The following MEGF6 variants were observed in gnomAD, a reference collection of about 807,000 sequenced individuals.
The protein encoded by MEGF6 is multiple EGF like domains 6.
In MEGF6, 184 loss-of-function variants were observed where a neutral mutation model predicts 207.1. The observed-to-expected ratio is 0.89, with a 90% confidence interval of 0.79 to 1.00. The LOEUF (loss-of-function observed/expected upper bound fraction) is 1.00, where lower values mean the gene tolerates loss of function less well. Ranked by LOEUF, MEGF6 falls within the 50% of genes least tolerant of loss-of-function variation. The probability of loss-of-function intolerance (pLI) is 0.00; values close to 1 mark genes in which losing one functional copy is unlikely to be tolerated. For missense variants in MEGF6, 2,282 were observed against 2,202.9 expected (o/e 1.04, Z -0.72); for synonymous variants, 1,038 against 910.0 (o/e 1.14, Z -2.53).
At chr1:3,529,843 C>T (rs1203977762) in intron 4 of MEGF6, among the ~76,000 whole-genome samples, 2 of 152,234 alleles carry the variant, frequency 1.3e-5, no homozygotes, top group Non-Finnish European at 1.5e-5. Context: ...TTCCGAAGCC[C>T]ACCTGGACTT....
chr1:3,510,744 C>A, intron 10 of MEGF6, 39 bp downstream of exon 10: 1 of 1,573,228 alleles, frequency 6.4e-7, no homozygotes, highest in Non-Finnish European at 8.7e-7. Context: ...GCCCTGCTCC[C>A]AGGCCACCCC....
At chr1:3,604,117 C>T (rs1244666631) in intron 1 of MEGF6, among the ~76,000 whole-genome samples, 6 of 152,200 alleles carry the variant, frequency 3.9e-5, no homozygotes, top group South Asian at 2.1e-4. Context: ...AAGGGGCAGA[C>T]GAAGGCTGGG....
chr1:3,576,177 C>T (rs1000773814), intron 4 of MEGF6, among the ~76,000 whole-genome samples: 9 of 152,248 alleles, frequency 5.9e-5, no homozygotes, highest in African/African-American at 2.2e-4. Context: ...TGCCCAGCGC[C>T]GGGCCCTCCA....
intron 6 of MEGF6, 107 bp from the exon 7 acceptor site, chr1:3,514,779 C>G: frequency 6.3e-6 from 8 of 1,278,872 alleles, no homozygotes; most frequent in Non-Finnish European, 8.4e-6. Flanking sequence ...GCTCTCCCCA[C>G]TCTGTGCTCC....
At chr1:3,499,315 G>A (rs772759969) in intron 23 of MEGF6, 49 bp from the exon 24 acceptor site, 76 of 1,558,776 alleles carry the variant, frequency 4.9e-5, no homozygotes, top group Non-Finnish European at 6.0e-5. Context: ...AGGACCCCAG[G>A]GGTTGGCAGC....
chr1:3,511,942 G>A (rs1435179214), intron 8 of MEGF6, 64 bp downstream of exon 8: 21 of 1,606,086 alleles, frequency 1.3e-5, no homozygotes, highest in African/African-American at 9.4e-5. Context: ...AGCAGGCCTC[G>A]GGGTCCTGGG....
intron 3 of MEGF6, 47 bp downstream of exon 3, chr1:3,595,291 C>T (rs532590985): frequency 1.5e-5 from 20 of 1,337,378 alleles, no homozygotes; most frequent in Admixed American, 1.2e-4. Context: ...GCTGAGTCCT[C>T]TGGGGTGGAG....
chr1:3,500,874 C>T (rs1232915935), intron 20 of MEGF6, 92 bp downstream of exon 20: 44 of 1,598,992 alleles, frequency 2.8e-5, no homozygotes, highest in Non-Finnish European at 3.6e-5. Context: ...CTCCTGCAAG[C>T]CCCTAGTCCT....
rs775835842 is a variant in MEGF6 at position 3,497,301 on chromosome 1, G to A, written c.3413C>T (p.Ala1138Val). 14 of 1,551,144 alleles carry A rather than the reference G, an allele frequency of 9.0e-6. No individual in the cohort carries two copies. In the Admixed American group the frequency reaches 1.9e-4, roughly 21 times the overall value. Residue 1138 changes from alanine (A) to valine (V), a missense_variant, in exon 27 of 37, where the codon GCT (alanine) becomes GTT (valine). Ala to Val is a moderately conservative substitution (Grantham distance 64, BLOSUM62 0). Coordinates refer to ENST00000356575, the MANE Select transcript of MEGF6 (RefSeq NM_001409.4). ...GGCCCCAGTGACGTGGTGGCAGGCA[G>A]CGCCAGGCGGGCAGCTGCAGCGCTG... The part of the protein sequence containing the change: ...CAQRCSCPPG[A>V]ACHHVTGACR...
chr1:3,501,662 T>A, intron 18 of MEGF6, 134 bp downstream of exon 18: 5 of 1,268,332 alleles, frequency 3.9e-6, no homozygotes, highest in Non-Finnish European at 4.2e-6. Context: ...CCCAGGGGAG[T>A]GCACTGTGAG....
chr1:3,515,637 G>A, intron 5 of MEGF6, 110 bp from the exon 6 acceptor site: 4 of 1,358,184 alleles, frequency 2.9e-6, no homozygotes, highest in Non-Finnish European at 4.0e-6. Context: ...CCTGCTGTAG[G>A]ACCCCTCCCA....
chr1:3,507,871 C>T lies in MEGF6; in HGVS notation c.1713G>A (p.Gln571=), dbSNP rs1290802842. The change falls in exon 14 of 37, where the codon CAG becomes CAA. Residue 571 remains glutamine, a synonymous_variant. Transcript: ENST00000356575. ...GKNCSFSCSC[Q]NGGTCDSVTG... ...TGACAGAGTCGCAGGTCCCACCATT[C>T]TGACAGCTGCAGGAGAAGCTGCAGT... 3.1e-6 allele frequency: 5 copies of T among 1,612,836 alleles called. No individual in the cohort carries two copies. Among genetic ancestry groups the T allele is most frequent in the Non-Finnish European group, 2.5e-6 (3 of 1,179,972 alleles).
Position 3,560,103 on chromosome 1 carries a change from G to A in MEGF6, c.481+19722C>T, listed in dbSNP as rs561967747. On this transcript the variant is annotated intron_variant, in intron 4 of 36. Transcript: ENST00000356575. The surrounding 1 kb of genome is among the most constrained non-coding windows in gnomAD (Gnocchi z 4.0). Reference sequence around the variant, plus strand: ...CTCAGGGCAGGAGAGGGCCTGGCAAGGTTAGTCCCAGAGGGCAAAGAAGGC... The same window carrying A: ...CTCAGGGCAGGAGAGGGCCTGGCAAAGTTAGTCCCAGAGGGCAAAGAAGGC... Among the ~76,000 whole-genome samples the A allele has an allele frequency of 1.2e-4, 18 of 149,964 alleles. No homozygotes were observed. Among genetic ancestry groups the A allele is most frequent in the African/African-American group, 4.1e-4 (17 of 41,098 alleles).
intron 4 of MEGF6, among the ~76,000 whole-genome samples, chr1:3,545,555 C>T (rs1642673433): frequency 2.6e-5 from 4 of 152,142 alleles, no homozygotes; most frequent in South Asian, 2.1e-4. Context: ...AGCAGCTGGG[C>T]CCCTCCTCAT....
chr1:3,508,047 C>G lies in MEGF6; in HGVS notation c.1661-124G>C. 7 of 1,038,318 alleles carry G rather than the reference C, an allele frequency of 6.7e-6. No homozygotes were observed. In the South Asian group the frequency reaches 1.2e-4, roughly 17 times the overall value. The allele number at this position is 1,038,318 out of a possible 1,614,324, so 64.3% of individuals were successfully genotyped here. ...AGAGATAAAATGATGGCACTTGTAC[C>G]ACATCACCCCTGCCCATGCTCATGG... On this transcript the variant is annotated intron_variant, in intron 13 of 36. Coordinates refer to ENST00000356575, the MANE Select transcript of MEGF6 (RefSeq NM_001409.4).
At chr1:3,567,729 A>C (rs1643387351) in intron 4 of MEGF6, among the ~76,000 whole-genome samples, 1 of 152,100 alleles carries the variant, frequency 6.6e-6, no homozygotes, top group Admixed American at 6.5e-5. Context: ...AGCCAGGGGC[A>C]GGGGGGCCTG....
At chr1:3,558,661 C>T (rs1643104457) in intron 4 of MEGF6, among the ~76,000 whole-genome samples, 2 of 152,214 alleles carry the variant, frequency 1.3e-5, no homozygotes, top group Non-Finnish European at 1.5e-5. Context: ...ACCAGAACTG[C>T]GTTAGGGATA....
rs569038182 is a variant in MEGF6 at position 3,557,484 on chromosome 1, C to T, written c.481+22341G>A. On this transcript the variant is annotated intron_variant, in intron 4 of 36. Transcript: ENST00000356575. ...GGAGCCACTGTCTAAGCAAGCCCGGCGTCCAGGCTACGTGCCCACCTCGCT... is the reference window on the plus strand; with the variant it reads ...GGAGCCACTGTCTAAGCAAGCCCGGTGTCCAGGCTACGTGCCCACCTCGCT... 1.8e-4 allele frequency among the ~76,000 whole-genome samples: 28 copies of T among 152,316 alleles called. 1 individual carries two copies. The highest frequency in any genetic ancestry group is 1.1e-3 in the Admixed American group (17 of 15,308).
chr1:3,540,696 A>G (rs1358077356), intron 4 of MEGF6, among the ~76,000 whole-genome samples: 2 of 152,178 alleles, frequency 1.3e-5, no homozygotes, highest in South Asian at 2.1e-4. Flanking sequence ...TGGATCCTCC[A>G]GGGCAGCTTC....
Sources: allele counts gnomAD v4.1 joint callset (sites outside exome capture counted in the v4.1 genomes callset), GRCh38; gene constraint gnomAD v4.1.1; non-coding constraint Gnocchi (gnomAD v3.1); transcripts MANE v1.5; gene names NCBI Gene and HGNC (gene_info 2026-07-23, HGNC 2026-07-21).